HAL: variants seen among roughly 807,000 people sequenced by gnomAD.
HAL encodes histidine ammonia-lyase.
In HAL, 85 loss-of-function variants were observed where a neutral mutation model predicts 81.1. The observed-to-expected ratio is 1.05, with a 90% CI of 0.88 to 1.25. The LOEUF is 1.25. Among genes scored for constraint, HAL ranks in the 50% most tolerant of loss-of-function variants. HAL has a pLI of 0.00. For synonymous variants in HAL, 301 were observed against 309.2 expected, an observed-to-expected ratio of 0.97 and a Z score of 0.28; for missense variants, 798 against 836.6, an observed-to-expected ratio of 0.95 and a Z score of 0.57.
chr12:95,994,076 C>A lies in HAL; in HGVS notation c.411+14G>T. On this transcript the variant is annotated intron_variant, in intron 5 of 20. Coordinates refer to ENST00000261208, the MANE Select transcript of HAL (RefSeq NM_002108.4). ...AAAATGGCCAGAGGACATCTTTCCC[C>A]TCCCTCCCCATACCTTTATTTTGTA... The A allele has an allele frequency of 1.2e-6, 2 of 1,608,162 alleles. No homozygotes were observed. Among genetic ancestry groups the A allele is most frequent in the African/African-American group, 1.3e-5 (1 of 74,926 alleles).
At chr12:95,983,739 C>A (rs938849154) in intron 15 of HAL, 172 bp downstream of exon 15, 2 of 639,562 alleles carry the variant, frequency 3.1e-6, no homozygotes, top group Non-Finnish European at 5.6e-6. Context: ...TGCCACTTAC[C>A]AGCTCTGACC....
Position 95,995,919 on chromosome 12 carries a change from T to G in HAL, c.-9A>C. 6.2e-7 allele frequency: 1 copy of G among 1,602,198 alleles called. No homozygotes were observed. The highest frequency in any genetic ancestry group is 8.5e-7 in the Non-Finnish European group (1 of 1,179,888). The stretch of plus-strand genomic sequence containing the variant: ...ACCGTGTATCTGGGCATGGCTCCGC[T>G]GCAGCCTGAGGTCCTCAGCTGGTCA... On this transcript the variant is annotated 5_prime_UTR_variant, in exon 2 of 21. Coordinates refer to ENST00000261208, the MANE Select transcript of HAL (RefSeq NM_002108.4).
chr12:95,994,691 G>T, intron 4 of HAL, 107 bp downstream of exon 4: 1 of 1,123,914 alleles, frequency 8.9e-7, no homozygotes. Flanking sequence ...CTCCCGGCCA[G>T]CCCTGTTCTA....
chr12:95,995,744 C>T lies in HAL; in HGVS notation c.167G>A (p.Arg56His). 2 of 1,613,766 alleles carry T rather than the reference C, an allele frequency of 1.2e-6. No individual in the cohort carries two copies. The highest frequency in any genetic ancestry group is 1.7e-6 in the Non-Finnish European group (2 of 1,179,994). Residue 56 changes from arginine to histidine, a missense_variant, in exon 2 of 21, where the codon CGC (arginine) becomes CAC (histidine). Transcript: ENST00000261208. The part of the protein sequence containing the change: ...TSVDDAHFLV[R>H]RCKGLGLLDN... ...CAGCAGGCCCAGGCCCTTGCACCGG[C>T]GCACAAGGAAGTGCGCGTCATCCAC...
In HAL at chr12:95,974,158, G is replaced by C. The variant is rs2080686975; in HGVS notation, c.*74C>G. The stretch of plus-strand genomic sequence containing the variant: ...TTGATCTACCTAGGAAAGTTCTCAG[G>C]TCTCTCCTTCAGCCTAGTATTGCTT... On this transcript the variant is annotated 3_prime_UTR_variant, in exon 21 of 21. Transcript: ENST00000261208. 7.6e-7 allele frequency: 1 copy of C among 1,315,012 alleles called. No individual in the cohort carries two copies. The highest frequency in any genetic ancestry group is 1.7e-5 in the Admixed American group (1 of 59,658). The allele number at this position is 1,315,012 out of a possible 1,614,324, so 81.5% of individuals were successfully genotyped here.
At position 95,988,251 on chromosome 12, in the gene HAL, A is replaced by G. The variant is rs1244702802; in HGVS notation, c.856-11T>C. On this transcript the variant is annotated splice_polypyrimidine_tract_variant and intron_variant, in intron 10 of 20. Coordinates refer to ENST00000261208, the MANE Select transcript of HAL (RefSeq NM_002108.4). ...ATGGGCTTCTAGCACCTATAGAATG[A>G]TTAAAAATATGAAAATGGGTATCAA... 2 of 1,404,204 alleles carry G rather than the reference A, an allele frequency of 1.4e-6. 1 individual carries two copies. The highest frequency in any genetic ancestry group is 2.3e-5 in the South Asian group (2 of 86,352). The allele number at this position is 1,404,204 out of a possible 1,614,324, so 87.0% of individuals were successfully genotyped here.
Position 95,976,500 on chromosome 12 carries a change from T to C in HAL, c.1764-2A>G. 6.2e-7 allele frequency: 1 copy of C among 1,613,934 alleles called. No homozygotes were observed. Reference sequence around the variant, plus strand: ...ATGAAGCGATCTTTTATCCAGGGCCTACAGGGAGAGCACATCCGCCCATCA... The same window carrying C: ...ATGAAGCGATCTTTTATCCAGGGCCCACAGGGAGAGCACATCCGCCCATCA... On this transcript the variant is annotated splice_acceptor_variant, in intron 19 of 20. Coordinates refer to ENST00000261208, the MANE Select transcript of HAL (RefSeq NM_002108.4). LOFTEE classifies it high-confidence loss of function.
In HAL at chr12:95,976,418, A is replaced by G; in HGVS notation, c.1833+11T>C. 1 of 1,604,120 alleles carries G rather than the reference A, an allele frequency of 6.2e-7. No homozygotes were observed. Among genetic ancestry groups the G allele is most frequent in the Non-Finnish European group, 8.5e-7 (1 of 1,170,810 alleles). ...TTAAAAATTAAGAAACAAGCCAAGG[A>G]GCCAGCTTGCCTTCTGCTCCAGGAG... is the stretch of plus-strand genomic sequence containing the variant. On this transcript the variant is annotated intron_variant, in intron 20 of 20. Coordinates refer to ENST00000261208, the MANE Select transcript of HAL (RefSeq NM_002108.4).
In HAL at chr12:95,983,976, TCAC is replaced by T. The variant is rs1454184834; in HGVS notation, c.1219_1221del (p.Val407del). ...TTCTTCACAAATGCTATTGTATCAT[TCAC>T]CACACCATGGACCTAAAATACAATC... On this transcript the variant is annotated inframe_deletion, in exon 15 of 21. Transcript: ENST00000261208. 1 of 1,564,360 alleles carries T rather than the reference TCAC, an allele frequency of 6.4e-7. No individual in the cohort carries two copies. Among genetic ancestry groups the T allele is most frequent in the Non-Finnish European group, 8.8e-7 (1 of 1,135,498 alleles).
chr12:95,986,701 C>T (rs1391842832), intron 12 of HAL, among the ~76,000 whole-genome samples: 3 of 152,036 alleles, frequency 2.0e-5, no homozygotes, highest in South Asian at 4.1e-4. Flanking sequence ...GCTACCAATT[C>T]GACAGTTTTT....
chr12:95,984,009 T>A lies in HAL; in HGVS notation c.1207-18A>T. ...CCATGGACCTAAAATACAATCAAAA[T>A]AAGGTATATGACCCATTTGATTACC... On this transcript the variant is annotated intron_variant, in intron 14 of 20. Transcript: ENST00000261208. The A allele has an allele frequency of 7.7e-7, 1 of 1,301,240 alleles. No homozygotes were observed. The highest frequency in any genetic ancestry group is 1.1e-6 in the Non-Finnish European group (1 of 895,790). 80.6% of individuals were successfully genotyped at this position (1,301,240 alleles called of 1,614,324 possible).
At chr12:95,980,476 C>A in intron 17 of HAL, 80 bp downstream of exon 17, 1 of 1,354,832 alleles carries the variant, frequency 7.4e-7, no homozygotes, top group Non-Finnish European at 1.1e-6. Context: ...ACTCACAGAC[C>A]ACATTTGATA....
At chr12:95,983,870 G>A (rs370435728) in intron 15 of HAL, 41 bp downstream of exon 15, 1 of 1,011,456 alleles carries the variant, frequency 9.9e-7, no homozygotes, top group African/African-American at 1.6e-5. Flanking sequence ...ATTACCAGCT[G>A]CAATTCTATA....
intron 20 of HAL, 106 bp from the exon 21 acceptor site, chr12:95,974,478 G>T (rs1316442088): frequency 1.7e-5 from 16 of 962,536 alleles, no homozygotes; most frequent in African/African-American, 3.2e-5. Context: ...TACATGACCA[G>T]ACACAGCTGC....
intron 17 of HAL, among the ~76,000 whole-genome samples, chr12:95,979,713 T>C (rs1035111002): frequency 1.3e-5 from 2 of 152,226 alleles, no homozygotes; most frequent in African/African-American, 4.8e-5. Context: ...TTTGTTAAAT[T>C]TGACAACCCT....
intron 17 of HAL, among the ~76,000 whole-genome samples, chr12:95,978,610 G>A (rs954868172): frequency 1.4e-4 from 21 of 152,058 alleles, no homozygotes; most frequent in African/African-American, 4.8e-4. Flanking sequence ...CCAAGACATG[G>A]GACTCTCAAG....
At chr12:95,990,775 G>A (rs1014638237) in intron 9 of HAL, among the ~76,000 whole-genome samples, 1 of 152,108 alleles carries the variant, frequency 6.6e-6, no homozygotes, top group African/African-American at 2.4e-5. Flanking sequence ...AAGGTAAAGA[G>A]GAGACAGGGA....
rs1356744903 is a variant in HAL at position 95,992,679 on chromosome 12, C to T, written c.715+1G>A. The stretch of plus-strand genomic sequence containing the variant: ...TTCCGTCTAGGGAGCCATTGCATTA[C>T]CATTAAACATTTCTATGACTTGTTT... On this transcript the variant is annotated splice_donor_variant, in intron 9 of 20. Coordinates refer to ENST00000261208, the MANE Select transcript of HAL (RefSeq NM_002108.4). LOFTEE classifies it high-confidence loss of function. 5.0e-6 allele frequency: 8 copies of T among 1,611,298 alleles called. No individual in the cohort carries two copies. The highest frequency in any genetic ancestry group is 3.3e-5 in the South Asian group (3 of 91,016).
At position 95,977,964 on chromosome 12, in the gene HAL, A is replaced by C; in HGVS notation, c.1634T>G (p.Val545Gly). ...ATTACCTTGCTCCACATGCTCGATG[A>C]CCCTGAGGGCTTTCCTTGCTGCCCA... ...GGWAARKALR[V>G]IEHVEQVLAI... Residue 545 changes from valine (V) to glycine (G), a missense_variant, in exon 18 of 21, where the codon GTC becomes GGC. Coordinates refer to ENST00000261208, the MANE Select transcript of HAL (RefSeq NM_002108.4). 3 of 1,614,072 alleles carry C rather than the reference A, an allele frequency of 1.9e-6. No homozygotes were observed. The highest frequency in any genetic ancestry group is 1.7e-6 in the Non-Finnish European group (2 of 1,180,008).
Sources: gnomAD v4.1 joint callset for allele counts (sites outside exome capture counted in the v4.1 genomes callset) on GRCh38, gnomAD v4.1.1 for gene constraint, MANE v1.5 for transcripts, NCBI Gene and HGNC (gene_info 2026-07-23, HGNC 2026-07-21) for gene names.